Variants in SLC19A3 observed in about 807,000 individuals in gnomAD.
The protein encoded by SLC19A3 is thiamine transporter 2.
In SLC19A3, 31 loss-of-function variants were observed where a neutral mutation model predicts 40.2. The ratio of observed to expected loss-of-function variants is 0.77; its 90% CI spans 0.58 to 1.04. The LOEUF is 1.04. SLC19A3 is among the 50% of genes least tolerant of loss of function. SLC19A3 has a pLI of 0.00. For missense variants in SLC19A3, 592 were observed against 596.7 expected (o/e 0.99, Z 0.08); for synonymous variants, 212 against 227.5 (o/e 0.93, Z 0.61).
Position 227,695,820 on chromosome 2 carries a change from A to G in SLC19A3, c.1172+69T>C, listed in dbSNP as rs1695407199. ...TGACTAAAATCCTTCTGAAGTTCTT[A>G]GAGAAAGTTTAGAAAGACAGAAGAG... On this transcript the variant is annotated intron_variant, in intron 4 of 5. Coordinates refer to ENST00000644224, the MANE Select transcript of SLC19A3 (RefSeq NM_025243.4). 2.7e-6 allele frequency: 4 copies of G among 1,488,860 alleles called. No individual in the cohort carries two copies. The African/African-American group carries it at 4.1e-5, about 15-fold the overall frequency. 92.2% of individuals were successfully genotyped at this position (1,488,860 alleles called of 1,614,324 possible). A position where few individuals can be genotyped will look rare whatever the true frequency, so the allele number is the denominator to read the frequency against.
intron 1 of SLC19A3, among the ~76,000 whole-genome samples, chr2:227,709,326 A>T (rs1448699373): frequency 6.6e-6 from 1 of 152,176 alleles, no homozygotes; most frequent in Non-Finnish European, 1.5e-5. Context: ...CAAACTAAAA[A>T]ATGCAAAAAT....
chr2:227,703,381 G>A lies in SLC19A3; in HGVS notation c.-2-1061C>T, dbSNP rs1037987760. 8.5e-5 allele frequency among the ~76,000 whole-genome samples: 13 copies of A among 152,126 alleles called. No individual in the cohort carries two copies. Among genetic ancestry groups the A allele is most frequent in the Non-Finnish European group, 1.5e-4 (10 of 68,034 alleles). ...GAAGGACCTACTAGGTCACATCATT[G>A]CGGCTTGCCACTCACCCTACCCTTT... On this transcript the variant is annotated intron_variant, in intron 1 of 5. Transcript: ENST00000644224. This position sits in a 1 kb window ranked among gnomAD's most constrained non-coding sequence, Gnocchi z 4.7.
At position 227,686,550 on chromosome 2, in the gene SLC19A3, C is replaced by G. The variant is rs1353771894; in HGVS notation, c.*847G>C. 2 of 152,520 alleles carry G rather than the reference C, an allele frequency of 1.3e-5. No homozygotes were observed. Among genetic ancestry groups the G allele is most frequent in the Admixed American group, 6.5e-5 (1 of 15,280 alleles). The allele number at this position is 152,520 out of a possible 1,614,324, so 9.4% of individuals were successfully genotyped here. A position where few individuals can be genotyped will look rare whatever the true frequency, so the allele number is the denominator to read the frequency against. On this transcript the variant is annotated 3_prime_UTR_variant, in exon 6 of 6. Coordinates refer to ENST00000644224, the MANE Select transcript of SLC19A3 (RefSeq NM_025243.4). ...CCCAGGCTGGTCTTGAACCTCTGGC[C>G]TCAAGCAAAACTCCCACCTTGGCCT...
At position 227,700,747 on chromosome 2, in the gene SLC19A3, C is replaced by A. The variant is rs572341513; in HGVS notation, c.151-1183G>T. Among the ~76,000 whole-genome samples, 6 of 152,280 alleles carry A rather than the reference C, an allele frequency of 3.9e-5. No homozygotes were observed. The South Asian group carries it at 1.0e-3, about 26-fold the overall frequency. ...GGTTCCCAACCTTCCCCCTGCTCCC[C>A]CTAACAATTCTGCTGATTTGTTTAT... On this transcript the variant is annotated intron_variant, in intron 2 of 5. Transcript: ENST00000644224.
intron 4 of SLC19A3, among the ~76,000 whole-genome samples, chr2:227,693,286 A>G (rs953481776): frequency 6.6e-6 from 1 of 152,128 alleles, no homozygotes; most frequent in African/African-American, 2.4e-5. Context: ...AACAACAACA[A>G]CAACAAAAAA....
At chr2:227,697,039 TG>T (rs201253667) in intron 3 of SLC19A3, among the ~76,000 whole-genome samples, 1,739 of 152,264 alleles carry the variant, frequency 0.011, 31 homozygotes, top group African/African-American at 0.04. Context: ...CAATCCAGCC[TG>T]GGTGACAGAG....
intron 4 of SLC19A3, among the ~76,000 whole-genome samples, chr2:227,690,259 G>A (rs1695170511): frequency 6.6e-6 from 1 of 152,084 alleles, no homozygotes; most frequent in South Asian, 2.1e-4. Context: ...AAAATGAAGG[G>A]ATGGACAAAG....
In SLC19A3 at chr2:227,687,689, A is replaced by C; in HGVS notation, c.1315-116T>G. The C allele has an allele frequency of 3.0e-6, 3 of 994,334 alleles. No homozygotes were observed. The East Asian group carries it at 7.8e-5, about 26-fold the overall frequency. The allele number at this position is 994,334 out of a possible 1,614,324, so 61.6% of individuals were successfully genotyped here. ...TGGGGTAACTGAGACCCAGGTTTTT[A>C]ATATGGGTCATTTAGGTTGAACAAT... On this transcript the variant is annotated intron_variant, in intron 5 of 5. Transcript: ENST00000644224.
rs150431810 is a variant in SLC19A3, at chr2:227,701,675, C to T, written c.150+494G>A. On this transcript the variant is annotated intron_variant, in intron 2 of 5. Transcript: ENST00000644224. The stretch of plus-strand genomic sequence containing the variant: ...AGAAAGAAAGAAAGAAAAAGAAAGG[C>T]GTTGCTCTTTTAAGTAAGAGAAACT... 4.6e-3 allele frequency: 711 copies of T among 154,034 alleles called. 17 individuals carry two copies. The highest frequency in any genetic ancestry group is 0.03 in the Admixed American group (465 of 15,490). 9.5% of individuals were successfully genotyped at this position (154,034 alleles called of 1,614,324 possible).
intron 4 of SLC19A3, among the ~76,000 whole-genome samples, chr2:227,692,395 T>G (rs1397534943): frequency 6.6e-6 from 1 of 152,240 alleles, no homozygotes; most frequent in Non-Finnish European, 1.5e-5. Context: ...AAGGATCATT[T>G]AACATATGTA....
chr2:227,714,569 G>A (rs751138101), intron 1 of SLC19A3: 1 of 984,912 alleles, frequency 1.0e-6, no homozygotes, highest in Non-Finnish European at 1.2e-6. Flanking sequence ...CCATACCCTG[G>A]AGTCTCTTGT....
chr2:227,716,457 C>A (rs759857606), intron 1 of SLC19A3, among the ~76,000 whole-genome samples: 15 of 152,098 alleles, frequency 9.9e-5, no homozygotes, highest in Non-Finnish European at 1.8e-4. Context: ...CGGCTCCCAG[C>A]TCAAAAAAAC....
chr2:227,718,002 G>T lies in SLC19A3; in HGVS notation c.-62C>A. 1.0e-6 allele frequency: 1 copy of T among 985,128 alleles called. No individual in the cohort carries two copies. Among genetic ancestry groups the T allele is most frequent in the Non-Finnish European group, 1.2e-6 (1 of 829,706 alleles). 61.0% of individuals were successfully genotyped at this position (985,128 alleles called of 1,614,324 possible). On this transcript the variant is annotated 5_prime_UTR_variant, in exon 1 of 6. Transcript: ENST00000644224. Reference sequence around the variant, plus strand: ...ACTTGCCGCACGACCACGCACCCGCGGCTGTCGGATGGATCCAGGCGCTCT... The same window carrying T: ...ACTTGCCGCACGACCACGCACCCGCTGCTGTCGGATGGATCCAGGCGCTCT...
chr2:227,700,841 G>T (rs1695657697), intron 2 of SLC19A3: 2 of 983,934 alleles, frequency 2.0e-6, no homozygotes, highest in African/African-American at 1.7e-5. Context: ...TTTCACAGTT[G>T]GAAGGACTGG....
At chr2:227,706,255 C>A (rs186688497) in intron 1 of SLC19A3, 1 of 1,208,388 alleles carries the variant, frequency 8.3e-7, no homozygotes, top group Non-Finnish European at 1.0e-6. Flanking sequence ...CTAAACGTCC[C>A]TTTGCTTCCA....
At chr2:227,701,148 A>T in intron 2 of SLC19A3, 18 of 1,229,884 alleles carry the variant, frequency 1.5e-5, no homozygotes, top group Non-Finnish European at 1.9e-5. Flanking sequence ...AAGTGATCTG[A>T]TGCTACAGAA....
intron 1 of SLC19A3, among the ~76,000 whole-genome samples, chr2:227,704,330 G>C (rs1695845453): frequency 6.6e-6 from 1 of 152,148 alleles, no homozygotes; most frequent in African/African-American, 2.4e-5. Context: ...AGGACAGAAA[G>C]GTCCTCAGAT....
intron 4 of SLC19A3, among the ~76,000 whole-genome samples, chr2:227,693,046 C>T (rs190365174): frequency 5.9e-5 from 9 of 152,082 alleles, no homozygotes; most frequent in Admixed American, 3.3e-4. Context: ...TTGAAGAGGA[C>T]ACACACACAC....
In SLC19A3 at chr2:227,703,510, C is replaced by G. The variant is rs955855025; in HGVS notation, c.-2-1190G>C. 2.0e-5 allele frequency among the ~76,000 whole-genome samples: 3 copies of G among 152,102 alleles called. No homozygotes were observed. The highest frequency in any genetic ancestry group is 6.6e-5 in the Admixed American group (1 of 15,264). On this transcript the variant is annotated intron_variant, in intron 1 of 5. Transcript: ENST00000644224. This position sits in a 1 kb window ranked among gnomAD's most constrained non-coding sequence, Gnocchi z 4.7. ...TGATTAAGCAGTGGAGAGACAAGAGCGATCAGATTTTGAAACTAGGATTAC... is the reference window on the plus strand; with the variant it reads ...TGATTAAGCAGTGGAGAGACAAGAGGGATCAGATTTTGAAACTAGGATTAC...
Sources: allele counts gnomAD v4.1 joint callset (sites outside exome capture counted in the v4.1 genomes callset), GRCh38; gene constraint gnomAD v4.1.1; non-coding constraint Gnocchi (gnomAD v3.1); transcripts MANE v1.5; gene names NCBI Gene and HGNC (gene_info 2026-07-23, HGNC 2026-07-21).